The following SAFB variants were observed in gnomAD, a reference collection of about 807,000 sequenced individuals.
SAFB encodes the protein scaffold attachment factor B1.
SAFB carries 15 observed loss-of-function variants against 101.6 expected under a neutral mutation model. That is an observed-to-expected ratio of 0.15 (90% CI 0.10 to 0.23). SAFB has a LOEUF of 0.23. Among genes scored for constraint, SAFB ranks in the 10% least tolerant of loss-of-function variants. The probability of loss-of-function intolerance (pLI) is 1.00; values close to 1 mark genes in which losing one functional copy is unlikely to be tolerated. For missense variants in SAFB, 930 were observed against 1,104.1 expected, an observed-to-expected ratio of 0.84 and a Z score of 2.23; for synonymous variants, 449 against 407.5, an observed-to-expected ratio of 1.10 and a Z score of -1.23.
intron 1 of SAFB, among the ~76,000 whole-genome samples, chr19:5,624,686 G>T (rs1429604965): frequency 3.6e-5 from 5 of 139,562 alleles, no homozygotes; most frequent in Non-Finnish European, 7.7e-5. Context: ...AAGAAGTAGG[G>T]ATTTTTTTTT....
intron 13 of SAFB, among the ~76,000 whole-genome samples, chr19:5,656,756 ATTTATTTATTTATT>A (rs1405808391): frequency 4.8e-4 from 73 of 151,146 alleles, no homozygotes; most frequent in African/African-American, 1.5e-3. Context: ...TTTATTTTTT[ATTTATTTATTTATT>A]TTTATTTATT....
At chr19:5,629,564 GC>G (rs2053444462) in intron 2 of SAFB, among the ~76,000 whole-genome samples, 1 of 151,704 alleles carries the variant, frequency 6.6e-6, no homozygotes, top group Admixed American at 6.6e-5. Flanking sequence ...ACACAATTTA[GC>G]CCATCAGTCT....
intron 8 of SAFB, among the ~76,000 whole-genome samples, chr19:5,650,255 A>G (rs1002135112): frequency 1.3e-5 from 2 of 152,160 alleles, no homozygotes; most frequent in East Asian, 3.9e-4. Context: ...AAATAATTTT[A>G]CCCTACCAAA....
chr19:5,629,978 G>C (rs1358380247), intron 2 of SAFB, among the ~76,000 whole-genome samples: 1 of 152,188 alleles, frequency 6.6e-6, no homozygotes, highest in East Asian at 1.9e-4. Flanking sequence ...GGAGACTGAG[G>C]TTGCATTGAG....
chr19:5,636,291 A>G (rs1244758849), intron 2 of SAFB, among the ~76,000 whole-genome samples: 1 of 152,060 alleles, frequency 6.6e-6, no homozygotes, highest in Admixed American at 6.5e-5. Context: ...ATAGGATTGG[A>G]CAGAAACCAA....
chr19:5,638,314 ACT>A (rs1307493048), intron 2 of SAFB, among the ~76,000 whole-genome samples: 2 of 151,638 alleles, frequency 1.3e-5, no homozygotes, highest in Non-Finnish European at 2.9e-5. Context: ...AAATTACTAA[ACT>A]CTTTTTATTT....
intron 13 of SAFB, 51 bp from the exon 14 acceptor site, chr19:5,657,189 GC>G: frequency 1.5e-6 from 2 of 1,362,802 alleles, no homozygotes; most frequent in Middle Eastern, 2.3e-4. Flanking sequence ...ACAGGCATAA[GC>G]CTCCGTGCCT....
Position 5,623,225 on chromosome 19 carries a change from G to A in SAFB, c.20G>A (p.Gly7Asp), listed in dbSNP as rs764692163. 3 of 1,601,418 alleles carry A rather than the reference G, an allele frequency of 1.9e-6. No individual in the cohort carries two copies. The highest frequency in any genetic ancestry group is 1.7e-5 in the Admixed American group (1 of 57,800). ...CCTGGAATGGCGGAGACTCTGTCAG[G>A]CCTAGGTGATTCTGGAGCGGCGGGC... The part of the protein sequence containing the change: MAETLS[G>D]LGDSGAAGAA... Residue 7 changes from glycine (G) to aspartate (D), a missense_variant, in exon 1 of 21, where the codon GGC becomes GAC. Coordinates refer to ENST00000588852, the MANE Select transcript of SAFB (RefSeq NM_001201338.2).
Position 5,667,207 on chromosome 19 carries a change from C to T in SAFB, c.2453+43C>T. On this transcript the variant is annotated intron_variant, in intron 18 of 20. Transcript: ENST00000588852. This position sits in a 1 kb window ranked among gnomAD's most constrained non-coding sequence, Gnocchi z 4.0. ...GACAGTACCTGACCCCCCCCCCGCC[C>T]ACAAGGGGGCCCGCAAGTCGCTGGG... 2 of 1,310,052 alleles carry T rather than the reference C, an allele frequency of 1.5e-6. No homozygotes were observed. The highest frequency in any genetic ancestry group is 2.1e-6 in the Non-Finnish European group (2 of 944,702). 81.2% of individuals were successfully genotyped at this position (1,310,052 alleles called of 1,614,324 possible).
intron 14 of SAFB, among the ~76,000 whole-genome samples, 166 bp downstream of exon 14, chr19:5,657,513 G>A (rs576399746): frequency 1.3e-5 from 2 of 152,112 alleles, no homozygotes; most frequent in Non-Finnish European, 1.5e-5. Context: ...TTCATCCTAC[G>A]GCTCTTTTCT....
At position 5,641,778 on chromosome 19, in the gene SAFB, C is replaced by T. The variant is rs764882015; in HGVS notation, c.378C>T (p.Ile126=). The change falls in exon 4 of 21, where the codon ATC becomes ATT. Residue 126 remains isoleucine (I), a synonymous_variant. Coordinates refer to ENST00000588852, the MANE Select transcript of SAFB (RefSeq NM_001201338.2). The stretch of plus-strand genomic sequence containing the variant: ...CCAGTCTGGAGAACTTGCAGGACAT[C>T]GACATCATGGATATCAGTGTGTTGG... ...VETSLENLQD[I]DIMDISVLDE... The T allele has an allele frequency of 1.2e-6, 2 of 1,613,816 alleles. No individual in the cohort carries two copies. Among genetic ancestry groups the T allele is most frequent in the Non-Finnish European group, 1.7e-6 (2 of 1,180,008 alleles).
chr19:5,657,382 C>A, intron 14 of SAFB, 35 bp downstream of exon 14: 2 of 1,429,082 alleles, frequency 1.4e-6, no homozygotes, highest in South Asian at 2.3e-5. Context: ...TGGTGTTTTT[C>A]CTAGAATGTG....
intron 2 of SAFB, among the ~76,000 whole-genome samples, chr19:5,628,216 A>T (rs2053411116): frequency 2.0e-5 from 3 of 151,994 alleles, no homozygotes; most frequent in Non-Finnish European, 4.4e-5. Context: ...GCACCACTGC[A>T]CTCCAGCCTG....
At chr19:5,631,850 A>G (rs1185399323) in intron 2 of SAFB, among the ~76,000 whole-genome samples, 1 of 152,176 alleles carries the variant, frequency 6.6e-6, no homozygotes, top group Non-Finnish European at 1.5e-5. Flanking sequence ...GTTGGAGAGC[A>G]GCCTGGGTGA....
chr19:5,623,124 A>C lies in SAFB; in HGVS notation c.-82A>C. The C allele has an allele frequency of 7.2e-7, 1 of 1,385,786 alleles. No homozygotes were observed. The highest frequency in any genetic ancestry group is 9.9e-7 in the Non-Finnish European group (1 of 1,011,606). 85.8% of individuals were successfully genotyped at this position (1,385,786 alleles called of 1,614,324 possible). A position where few individuals can be genotyped will look rare whatever the true frequency, so the allele number is the denominator to read the frequency against. On this transcript the variant is annotated 5_prime_UTR_variant, in exon 1 of 21. Transcript: ENST00000588852. ...GGGGCGACTGGAGCGGTTCCCTCGC[A>C]GGCGGCGCCATTTTGTGCTAGGAGC...
At chr19:5,637,755 C>T (rs1433310815) in intron 2 of SAFB, among the ~76,000 whole-genome samples, 2 of 152,202 alleles carry the variant, frequency 1.3e-5, no homozygotes, top group African/African-American at 4.8e-5. Flanking sequence ...GCTTTTCTCC[C>T]ATGTTCTTCA....
In SAFB at chr19:5,667,744, T is replaced by C; in HGVS notation, c.2558-76T>C. The C allele has an allele frequency of 6.9e-6, 10 of 1,451,826 alleles. No individual in the cohort carries two copies. Among genetic ancestry groups the C allele is most frequent in the Non-Finnish European group, 8.7e-6 (9 of 1,039,510 alleles). 89.9% of individuals were successfully genotyped at this position (1,451,826 alleles called of 1,614,324 possible). A position where few individuals can be genotyped will look rare whatever the true frequency, so the allele number is the denominator to read the frequency against. ...TACCTGGGGGCCTCACCAAAGGGAG[T>C]GGAGTGGGCTAAATGTGCCGTGGGT... On this transcript the variant is annotated intron_variant, in intron 19 of 20. Transcript: ENST00000588852. The surrounding 1 kb of genome is among the most constrained non-coding windows in gnomAD (Gnocchi z 4.0).
rs1429865263 is a variant in SAFB, at chr19:5,664,033, C to T, written c.2165C>T (p.Ala722Val). 1 of 1,613,732 alleles carries T rather than the reference C, an allele frequency of 6.2e-7. No homozygotes were observed. Among genetic ancestry groups the T allele is most frequent in the African/African-American group, 1.3e-5 (1 of 74,936 alleles). The change falls in exon 16 of 21, where the codon GCC becomes GTC. Residue 722 changes from alanine to valine, a missense_variant. This residue lies in a region of SAFB where 318 missense variants were observed against 342.6 expected (regional missense o/e 0.93). Transcript: ENST00000588852. ...ATGTCCCCTCACAGGCGAGATGATG[C>T]CTATTGGCCGGAAGCCAAGCGGGCC... is the stretch of plus-strand genomic sequence containing the variant. ...RPYDLDRRDD[A>V]YWPEAKRAAL...
chr19:5,635,265 C>G (rs759661041), intron 2 of SAFB, among the ~76,000 whole-genome samples: 3 of 152,046 alleles, frequency 2.0e-5, no homozygotes, highest in African/African-American at 7.2e-5. Context: ...GGGGAACTGC[C>G]GTAGCATGGA....
Sources: allele counts gnomAD v4.1 joint callset (sites outside exome capture counted in the v4.1 genomes callset), GRCh38; gene constraint gnomAD v4.1.1; regional missense constraint gnomAD v4.1.1; non-coding constraint Gnocchi (gnomAD v3.1); transcripts MANE v1.5; gene names NCBI Gene and HGNC (gene_info 2026-07-23, HGNC 2026-07-21).